The following ADAM9 variants were observed in gnomAD, a reference collection of about 807,000 sequenced individuals.
The protein encoded by ADAM9 is disintegrin and metalloproteinase domain-containing protein 9.
ADAM9 carries 54 observed loss-of-function variants against 108.1 expected under a neutral mutation model. The ratio of observed to expected loss-of-function variants is 0.50; its 90% confidence interval spans 0.40 to 0.63. ADAM9 has a LOEUF of 0.63. Ranked by LOEUF, ADAM9 falls within the 20% of genes least tolerant of loss-of-function variation. ADAM9 has a pLI of 0.00. For synonymous variants in ADAM9, 316 were observed against 336.0 expected, an observed-to-expected ratio of 0.94 and a Z score of 0.65; for missense variants, 830 against 997.7, an observed-to-expected ratio of 0.83 and a Z score of 2.26.
intron 12 of ADAM9, among the ~76,000 whole-genome samples, chr8:39,052,174 C>A (rs1368176086): frequency 6.6e-6 from 1 of 152,056 alleles, no homozygotes; most frequent in Non-Finnish European, 1.5e-5. Context: ...AATATGTTTT[C>A]TTAATTTTGG....
intron 14 of ADAM9, among the ~76,000 whole-genome samples, chr8:39,069,129 C>G (rs1838593544): frequency 6.6e-6 from 1 of 152,072 alleles, no homozygotes; most frequent in South Asian, 2.1e-4. Context: ...TCTGTTGCCA[C>G]TTTAAGATTC....
At position 39,001,284 on chromosome 8, in the gene ADAM9, C is replaced by A. The variant is rs556283845; in HGVS notation, c.97+4124C>A. 4.6e-5 allele frequency among the ~76,000 whole-genome samples: 7 copies of A among 152,302 alleles called. No homozygotes were observed. The East Asian group carries it at 1.3e-3, about 29-fold the overall frequency. ...AAAAGTTGATACAAAAGATGTTAATCATAAAAAGTAAGGTTCACTTTAAGT... is the reference window on the plus strand; with the variant it reads ...AAAAGTTGATACAAAAGATGTTAATAATAAAAAGTAAGGTTCACTTTAAGT... On this transcript the variant is annotated intron_variant, in intron 1 of 21. Transcript: ENST00000487273.
intron 12 of ADAM9, among the ~76,000 whole-genome samples, chr8:39,047,547 A>G (rs545599505): frequency 6.6e-6 from 1 of 151,600 alleles, no homozygotes; most frequent in South Asian, 2.1e-4. Flanking sequence ...CTAGGAATTT[A>G]TCCGTTTCTT....
At chr8:39,071,799 C>T (rs562724760) in intron 15 of ADAM9, among the ~76,000 whole-genome samples, 6 of 152,252 alleles carry the variant, frequency 3.9e-5, no homozygotes, top group Middle Eastern at 6.8e-3. Context: ...TCTCTGTGAC[C>T]GCTGATTTTC....
chr8:39,104,685 A>G lies in ADAM9; in HGVS notation c.*985A>G, dbSNP rs1308379918. 2 of 453,896 alleles carry G rather than the reference A, an allele frequency of 4.4e-6. No individual in the cohort carries two copies. The highest frequency in any genetic ancestry group is 4.7e-5 in the Admixed American group (2 of 42,568). The allele number at this position is 453,896 out of a possible 1,614,324, so 28.1% of individuals were successfully genotyped here. A position where few individuals can be genotyped will look rare whatever the true frequency, so the allele number is the denominator to read the frequency against. ...TAAGGTGTGCTGGGTCATGTAAAAT[A>G]TTAGACACTAATATTTTCATAGAAA... is the stretch of plus-strand genomic sequence containing the variant. On this transcript the variant is annotated 3_prime_UTR_variant, in exon 22 of 22. Coordinates refer to ENST00000487273, the MANE Select transcript of ADAM9 (RefSeq NM_003816.3).
At chr8:39,088,887 A>T (rs936316219) in intron 18 of ADAM9, among the ~76,000 whole-genome samples, 1 of 152,198 alleles carries the variant, frequency 6.6e-6, no homozygotes, top group Non-Finnish European at 1.5e-5. Flanking sequence ...AATTAAGAAG[A>T]AAAAAGCAAG....
intron 15 of ADAM9, 150 bp downstream of exon 15, chr8:39,071,553 G>A (rs1034474802): frequency 3.8e-5 from 25 of 665,726 alleles, no homozygotes; most frequent in African/African-American, 3.2e-4. Flanking sequence ...TGCACCCTCC[G>A]CCTCCCAGGT....
chr8:39,045,774 C>A (rs779691101), intron 12 of ADAM9, among the ~76,000 whole-genome samples: 1 of 151,832 alleles, frequency 6.6e-6, no homozygotes, highest in Non-Finnish European at 1.5e-5. Flanking sequence ...AGTTTTAGTT[C>A]TTTGAAAAAT....
chr8:39,075,997 A>C (rs1423970166), intron 15 of ADAM9: 2 of 152,250 alleles, frequency 1.3e-5, no homozygotes, highest in Non-Finnish European at 2.9e-5. Context: ...TGAAGACTTA[A>C]TAGCAGCACA....
At chr8:39,021,225 T>G (rs547391571) in intron 7 of ADAM9, among the ~76,000 whole-genome samples, 1 of 152,312 alleles carries the variant, frequency 6.6e-6, no homozygotes, top group East Asian at 1.9e-4. Context: ...TCTAAATGCC[T>G]CAATTTTTTG....
At position 39,054,602 on chromosome 8, in the gene ADAM9, G is replaced by GAAAA. The variant is rs755442483; in HGVS notation, c.1395+46_1395+49dup. The GAAAA allele has an allele frequency of 1.2e-3, 1,159 of 944,604 alleles. 1 individual carries two copies. The highest frequency in any genetic ancestry group is 3.9e-3 in the East Asian group (116 of 29,706). 58.5% of individuals were successfully genotyped at this position (944,604 alleles called of 1,614,324 possible). On this transcript the variant is annotated intron_variant, in intron 13 of 21. Transcript: ENST00000487273. ...AGGAATTCCTCCCTTTTGGAAACAG[G>GAAAA]AAAAAAAAAAAAAAAAAAAAGAAAA... is the stretch of plus-strand genomic sequence containing the variant.
intron 16 of ADAM9, among the ~76,000 whole-genome samples, chr8:39,080,053 T>G (rs1007310798): frequency 6.6e-6 from 1 of 152,190 alleles, no homozygotes; most frequent in African/African-American, 2.4e-5. Context: ...TTAAATATTT[T>G]CTTGATATTT....
In ADAM9 at chr8:39,045,407, T is replaced by G. The variant is rs535715297; in HGVS notation, c.1302+3290T>G. Reference sequence around the variant, plus strand: ...ATAGGTGTGTGTACACACACCTATATGTGCGCGTGTGTACACACACCTATA... The same window carrying G: ...ATAGGTGTGTGTACACACACCTATAGGTGCGCGTGTGTACACACACCTATA... On this transcript the variant is annotated intron_variant, in intron 12 of 21. Transcript: ENST00000487273. 1.6e-3 allele frequency among the ~76,000 whole-genome samples: 221 copies of G among 134,052 alleles called. 12 individuals carry two copies. Among genetic ancestry groups the G allele is most frequent in the African/African-American group, 4.5e-3 (136 of 30,022 alleles). The allele number at this position is 134,052 out of a possible 152,430, so 87.9% of individuals were successfully genotyped here. A position where few individuals can be genotyped will look rare whatever the true frequency, so the allele number is the denominator to read the frequency against.
chr8:39,053,877 T>C (rs1838032202), intron 12 of ADAM9, among the ~76,000 whole-genome samples: 1 of 152,198 alleles, frequency 6.6e-6, no homozygotes. Flanking sequence ...TGTTATGAAC[T>C]GAATGTTTGT....
At chr8:39,099,137 C>T (rs1839604106) in intron 20 of ADAM9, among the ~76,000 whole-genome samples, 1 of 152,020 alleles carries the variant, frequency 6.6e-6, no homozygotes, top group Non-Finnish European at 1.5e-5. Context: ...TCTAGTTAAC[C>T]CATGGGGATA....
Position 39,007,957 on chromosome 8 carries a change from G to A in ADAM9, c.169G>A (p.Glu57Lys), listed in dbSNP as rs762412087. 21 of 1,608,022 alleles carry A rather than the reference G, an allele frequency of 1.3e-5. No homozygotes were observed. In the South Asian group the frequency reaches 2.0e-4, roughly 15 times the overall value. ...TPWRLTRERR[E>K]APRPYSKQVS... Reference sequence around the variant, plus strand: ...TTGGAGATTAACTAGAGAAAGAAGAGAAGCCCCTAGGCCCTATTCAAAACA... The same window carrying A: ...TTGGAGATTAACTAGAGAAAGAAGAAAAGCCCCTAGGCCCTATTCAAAACA... The change falls in exon 2 of 22, where the codon GAA (glutamate) becomes AAA (lysine). Residue 57 changes from glutamate to lysine, a missense_variant. Around this residue, in one of 3 missense-constraint regions of ADAM9, gnomAD observed 211 missense variants for 222.2 expected, o/e 0.95. Transcript: ENST00000487273.
intron 12 of ADAM9, among the ~76,000 whole-genome samples, chr8:39,045,158 A>G (rs1465981621): frequency 8.7e-6 from 1 of 115,450 alleles, no homozygotes; most frequent in African/African-American, 2.9e-5. Context: ...ATATGTGTAT[A>G]CATACATATA....
intron 2 of ADAM9, among the ~76,000 whole-genome samples, chr8:39,008,296 G>C (rs545829108): frequency 6.6e-6 from 1 of 151,846 alleles, no homozygotes; most frequent in East Asian, 1.9e-4. Context: ...TCAGCCTTCT[G>C]AGTAGCTGGG....
intron 2 of ADAM9, 131 bp from the exon 3 acceptor site, chr8:39,011,527 C>T (rs1836354660): frequency 4.0e-6 from 3 of 759,478 alleles, no homozygotes; most frequent in Admixed American, 2.3e-5. Flanking sequence ...CAAAGTTCTT[C>T]TATTAAATAG....
Sources: gnomAD v4.1 joint callset for allele counts (sites outside exome capture counted in the v4.1 genomes callset) on GRCh38, gnomAD v4.1.1 for gene constraint, gnomAD v4.1.1 regional missense constraint, MANE v1.5 for transcripts, NCBI Gene and HGNC (gene_info 2026-07-23, HGNC 2026-07-21) for gene names.